Variants in EIF2AK2 observed in about 807,000 individuals in gnomAD.
EIF2AK2 encodes eukaryotic translation initiation factor 2 alpha kinase 2.
A neutral mutation model predicts 70.5 loss-of-function variants in EIF2AK2; 40 were observed. The ratio of observed to expected loss-of-function variants is 0.57; its 90% confidence interval spans 0.44 to 0.74. The LOEUF is 0.74. EIF2AK2 is among the 30% of genes least tolerant of loss of function. EIF2AK2 has a pLI of 0.00. For synonymous variants in EIF2AK2, 198 were observed against 220.9 expected, an observed-to-expected ratio of 0.90 and a Z score of 0.92; for missense variants, 555 against 644.3, an observed-to-expected ratio of 0.86 and a Z score of 1.50.
intron 13 of EIF2AK2, among the ~76,000 whole-genome samples, chr2:37,118,480 G>C (rs987888972): frequency 6.6e-6 from 1 of 152,184 alleles, no homozygotes; most frequent in Admixed American, 6.5e-5. Context: ...GTAGGCACCA[G>C]TCAGAATTTT....
chr2:37,125,977 T>C (rs540591957), intron 11 of EIF2AK2, among the ~76,000 whole-genome samples: 1 of 152,358 alleles, frequency 6.6e-6, no homozygotes, highest in South Asian at 2.1e-4. Flanking sequence ...AGGTTCTATC[T>C]GGTGCCACGG....
rs913811473 is a variant in EIF2AK2, at chr2:37,114,446, T to C, written c.1377+285A>G. Among the ~76,000 whole-genome samples the C allele has an allele frequency of 5.9e-5, 9 of 152,318 alleles. No individual in the cohort carries two copies. The East Asian group carries it at 9.6e-4, about 16-fold the overall frequency. ...ACTAATATGGAGAAATTATGCTATA[T>C]AGTCACAAAATAACAAAATAAGTCC... is the stretch of plus-strand genomic sequence containing the variant. On this transcript the variant is annotated intron_variant, in intron 14 of 16. Transcript: ENST00000233057.
rs144042947 is a variant in EIF2AK2, at chr2:37,114,192, C to T, written c.1377+539G>A. On this transcript the variant is annotated intron_variant, in intron 14 of 16. Transcript: ENST00000233057. ...ATGTGCCTCTAGAGTCCTAGCTACT[C>T]AGGAGGCTGAGGTGGGAAGATTGCT... is the stretch of plus-strand genomic sequence containing the variant. 2.3e-3 allele frequency among the ~76,000 whole-genome samples: 345 copies of T among 152,148 alleles called. 2 individuals carry two copies. Among genetic ancestry groups the T allele is most frequent in the African/African-American group, 6.7e-3 (280 of 41,534 alleles).
In EIF2AK2 at chr2:37,141,635, C is replaced by G. The variant is rs1186571783; in HGVS notation, c.307G>C (p.Gly103Arg). The G allele has an allele frequency of 4.3e-6, 7 of 1,613,890 alleles. No homozygotes were observed. The highest frequency in any genetic ancestry group is 5.9e-6 in the Non-Finnish European group (7 of 1,179,982). The part of the protein sequence containing the change: ...SEGLSMGNYI[G>R]LINRIAQKKR... ...TTCTGGGCAATTCTATTGATAAGGC[C>G]TATGTAATTCCCCATGGATAATCCT... Residue 103 changes from glycine (G) to arginine (R), a missense_variant, in exon 5 of 17, where the codon GGC (glycine) becomes CGC (arginine). Gly to Arg is a moderately radical substitution (Grantham distance 125). Transcript: ENST00000233057.
intron 1 of EIF2AK2, among the ~76,000 whole-genome samples, chr2:37,154,607 C>A (rs952825344): frequency 3.3e-5 from 5 of 152,094 alleles, no homozygotes; most frequent in African/African-American, 1.2e-4. Flanking sequence ...GTTGCCCAGG[C>A]TGGAGTGTGA....
chr2:37,122,746 C>T (rs1458637682), intron 11 of EIF2AK2, 82 bp from the exon 12 acceptor site: 10 of 1,531,644 alleles, frequency 6.5e-6, no homozygotes, highest in Non-Finnish European at 9.0e-6. Flanking sequence ...TAATAGACAA[C>T]TGTCTACATT....
At chr2:37,132,505 C>T (rs1250280149) in intron 10 of EIF2AK2, among the ~76,000 whole-genome samples, 2 of 152,176 alleles carry the variant, frequency 1.3e-5, no homozygotes, top group East Asian at 3.9e-4. Flanking sequence ...AGGAGAATCG[C>T]TTGAACCCCA....
In EIF2AK2 at chr2:37,105,329, A is replaced by G. The variant is rs765716095; in HGVS notation, c.*1944T>C. 3 of 152,208 alleles carry G rather than the reference A, an allele frequency of 2.0e-5. No homozygotes were observed. The highest frequency in any genetic ancestry group is 4.8e-5 in the African/African-American group (2 of 41,448). The allele number at this position is 152,208 out of a possible 1,614,324, so 9.4% of individuals were successfully genotyped here. ...ATGGGGGAAGACCCCTCATGAATAC[A>G]TTAATGCCGTCCCTGGGGGTGGGGT... On this transcript the variant is annotated 3_prime_UTR_variant, in exon 17 of 17. Transcript: ENST00000233057.
At chr2:37,148,081 G>T (rs1675617273) in intron 2 of EIF2AK2, among the ~76,000 whole-genome samples, 2 of 152,128 alleles carry the variant, frequency 1.3e-5, no homozygotes, top group Non-Finnish European at 2.9e-5. Context: ...TATAATCCCA[G>T]CCAAGGTGGG....
At chr2:37,139,246 C>T (rs1367651038) in intron 6 of EIF2AK2, among the ~76,000 whole-genome samples, 4 of 146,714 alleles carry the variant, frequency 2.7e-5, no homozygotes, top group South Asian at 2.2e-4. Flanking sequence ...ACATGGGAGG[C>T]GGAGGTTGCA....
rs1204842096 is a variant in EIF2AK2 at position 37,104,445 on chromosome 2, A to G, written c.*2828T>C. 1 of 151,676 alleles carries G rather than the reference A, an allele frequency of 6.6e-6. No homozygotes were observed. The highest frequency in any genetic ancestry group is 1.9e-4 in the East Asian group (1 of 5,188). 9.4% of individuals were successfully genotyped at this position (151,676 alleles called of 1,614,324 possible). On this transcript the variant is annotated 3_prime_UTR_variant, in exon 17 of 17. Transcript: ENST00000233057. ...AGTGATCCTCCCACCTCACCCCCCC[A>G]AGTAGCTGGGACCACAGATGCACAC...
chr2:37,149,994 A>T (rs1444419683), intron 1 of EIF2AK2, among the ~76,000 whole-genome samples: 2 of 152,244 alleles, frequency 1.3e-5, no homozygotes, highest in Admixed American at 1.3e-4. Flanking sequence ...TTTGAATCAA[A>T]CATAAATGGA....
chr2:37,116,116 C>T (rs1031660770), intron 13 of EIF2AK2, among the ~76,000 whole-genome samples: 1 of 152,122 alleles, frequency 6.6e-6, no homozygotes, highest in Non-Finnish European at 1.5e-5. Context: ...CCAGATTGGT[C>T]TCAAACTCCT....
At chr2:37,138,955 C>A (rs1309565742) in intron 6 of EIF2AK2, among the ~76,000 whole-genome samples, 2 of 150,932 alleles carry the variant, frequency 1.3e-5, no homozygotes, top group African/African-American at 4.9e-5. Context: ...GCCACCACAC[C>A]CGTCTAATTT....
Sources: allele counts gnomAD v4.1 joint callset (sites outside exome capture counted in the v4.1 genomes callset), GRCh38; gene constraint gnomAD v4.1.1; transcripts MANE v1.5; gene names NCBI Gene and HGNC (gene_info 2026-07-23, HGNC 2026-07-21).